Variants in GREB1 observed in about 807,000 individuals in gnomAD.
GREB1 encodes protein GREB1.
GREB1 carries 106 observed loss-of-function variants against 200.7 expected under a neutral mutation model. That is an observed-to-expected ratio of 0.53 (90% CI 0.45 to 0.62). The LOEUF (loss-of-function observed/expected upper bound fraction) is 0.62. GREB1 is among the 20% of genes least tolerant of loss of function. The probability of loss-of-function intolerance (pLI) is 0.00; values close to 1 mark genes in which losing one functional copy is unlikely to be tolerated. For synonymous variants in GREB1, 1,132 were observed against 1,092.4 expected (o/e 1.04, Z -0.72); for missense variants, 2,243 against 2,556.8 (o/e 0.88, Z 2.65).
intron 1 of GREB1, among the ~76,000 whole-genome samples, chr2:11,507,909 G>C (rs915799179): frequency 6.6e-5 from 10 of 152,154 alleles, no homozygotes; most frequent in Non-Finnish European, 1.2e-4. Context: ...TGAGGATTCT[G>C]GACCTTTCTT....
At chr2:11,538,856 C>T (rs553297110) in intron 1 of GREB1, among the ~76,000 whole-genome samples, 20 of 128,768 alleles carry the variant, frequency 1.6e-4, no homozygotes, top group Non-Finnish European at 2.8e-4. Flanking sequence ...TTCCTTCCTT[C>T]CTCCCTCCGT....
chr2:11,577,977 T>C (rs904728669), intron 5 of GREB1, among the ~76,000 whole-genome samples: 20 of 152,216 alleles, frequency 1.3e-4, no homozygotes, highest in African/African-American at 4.8e-4. Flanking sequence ...GTATCATTTC[T>C]TTATCTTCAA....
rs531132566 is a variant in GREB1, at chr2:11,636,325, C to T, written c.5346+920C>T. On this transcript the variant is annotated intron_variant, in intron 30 of 32. Transcript: ENST00000381486. ...CAAAGGGCCAGATGTGGCTTTAAAA[C>T]GAACTTTTCTTTTGTGTCCTTCAGT... 2.1e-4 allele frequency among the ~76,000 whole-genome samples: 32 copies of T among 152,314 alleles called. 1 individual carries two copies. The South Asian group carries it at 5.8e-3, about 28-fold the overall frequency.
intron 17 of GREB1, among the ~76,000 whole-genome samples, chr2:11,610,031 G>A (rs1258883884): frequency 6.6e-6 from 1 of 152,140 alleles, no homozygotes; most frequent in Non-Finnish European, 1.5e-5. Context: ...TGTGACTAAC[G>A]GGTCAGAGCC....
chr2:11,483,353 A>C (rs1055244739), intron 1 of GREB1, among the ~76,000 whole-genome samples: 3 of 146,044 alleles, frequency 2.1e-5, no homozygotes, highest in East Asian at 4.1e-4. Flanking sequence ...AGAGAGAGAG[A>C]GCACCCGAGG....
Position 11,618,665 on chromosome 2 carries a change from C to A in GREB1, c.3790C>A (p.Leu1264Ile). ...GCCACCCATTGTCTTCTTGCCCAAG[C>A]TCGTGTACGACATGGTTGTGTCCAC... Reference protein sequence around the residue: ...RQPPIVFLPKLVYDMVVSTDS... With the variant: ...RQPPIVFLPKIVYDMVVSTDS... The change falls in exon 22 of 33, where the codon CTC becomes ATC. Residue 1264 changes from leucine to isoleucine, a missense_variant. This residue lies in a region of GREB1 where 587 missense variants were observed against 553.1 expected (regional missense o/e 1.06). Transcript: ENST00000381486. The A allele has an allele frequency of 6.2e-7, 1 of 1,613,790 alleles. No individual in the cohort carries two copies.
chr2:11,611,721 G>A (rs1430739645), intron 18 of GREB1, among the ~76,000 whole-genome samples: 1 of 152,190 alleles, frequency 6.6e-6, no homozygotes, highest in South Asian at 2.1e-4. Flanking sequence ...CAGATGGTGG[G>A]GGGCAATGGC....
In GREB1 at chr2:11,632,998, G is replaced by A; in HGVS notation, c.4926G>A (p.Val1642=). The change falls in exon 28 of 33, where the codon GTG becomes GTA. Residue 1642 remains valine (V), a synonymous_variant. Transcript: ENST00000381486. ...CGCAGGACATCTGGCCTTTCATTGT[G>A]ATCTCTGATGACTCCTGCGTGATGT... ...IKPQDIWPFI[V]ISDDSCVMWN... is the part of the protein sequence containing the mutation. The A allele has an allele frequency of 1.2e-6, 2 of 1,614,226 alleles. No individual in the cohort carries two copies. The highest frequency in any genetic ancestry group is 1.7e-6 in the Non-Finnish European group (2 of 1,180,034).
At chr2:11,552,978 C>CCG (rs1676066767) in intron 1 of GREB1, among the ~76,000 whole-genome samples, 1 of 145,582 alleles carries the variant, frequency 6.9e-6, no homozygotes, top group Admixed American at 6.8e-5. Flanking sequence ...CCACTGCACT[C>CCG]CAGCCTGGGC....
chr2:11,508,663 C>G (rs1432176659), intron 1 of GREB1, among the ~76,000 whole-genome samples: 1 of 152,136 alleles, frequency 6.6e-6, no homozygotes, highest in East Asian at 1.9e-4. Context: ...CAAAATAAAA[C>G]AAACATCCTT....
At chr2:11,527,741 A>G (rs765245984) in intron 1 of GREB1, among the ~76,000 whole-genome samples, 1 of 152,228 alleles carries the variant, frequency 6.6e-6, no homozygotes, top group Non-Finnish European at 1.5e-5. Flanking sequence ...CATGTAGTTC[A>G]GGGTCCTACG....
chr2:11,570,988 T>C (rs1233938143), intron 4 of GREB1, among the ~76,000 whole-genome samples: 1 of 152,136 alleles, frequency 6.6e-6, no homozygotes, highest in African/African-American at 2.4e-5. Context: ...AAGGAGGTCA[T>C]TTCTACACTT....
chr2:11,513,394 A>T (rs769467798), intron 1 of GREB1, among the ~76,000 whole-genome samples: 15 of 152,186 alleles, frequency 9.9e-5, no homozygotes, highest in Non-Finnish European at 2.1e-4. Flanking sequence ...GAAGCAGCTC[A>T]GGGTCACGGT....
At chr2:11,617,911 C>T (rs1018077870) in intron 21 of GREB1, among the ~76,000 whole-genome samples, 1 of 152,260 alleles carries the variant, frequency 6.6e-6, no homozygotes, top group East Asian at 1.9e-4. Flanking sequence ...GTTGGGGTCT[C>T]CCTCCCAGAT....
At chr2:11,552,826 A>T (rs572474229) in intron 1 of GREB1, among the ~76,000 whole-genome samples, 396 of 152,086 alleles carry the variant, frequency 2.6e-3, no homozygotes, top group Non-Finnish European at 4.3e-3. Context: ...CCTGGCTAAC[A>T]CGGTGAAACC....
chr2:11,511,396 A>G (rs10929750), intron 1 of GREB1, among the ~76,000 whole-genome samples: 143,914 of 152,134 alleles, frequency 0.95, 68,535 homozygotes, highest in South Asian at 1. Context: ...TCTGAGAGTG[A>G]ATGGGGAGTA....
Position 11,641,473 on chromosome 2 carries a change from G to GTTTTGTTTTGTTTTGTT in GREB1, c.*1022_*1038dup, listed in dbSNP as rs1371574457. On this transcript the variant is annotated 3_prime_UTR_variant, in exon 33 of 33. Transcript: ENST00000381486. Reference sequence around the variant, plus strand: ...CTTCACAGACTGACAGAATGGTTTTGTTTTGTTTTGTTTTGTTTTGTTTTG... The same window carrying GTTTTGTTTTGTTTTGTT: ...CTTCACAGACTGACAGAATGGTTTTGTTTTGTTTTGTTTTGTTTTTTGTTTTGTTTTGTTTTGTTTTG... 1 of 151,560 alleles carries GTTTTGTTTTGTTTTGTT rather than the reference G, an allele frequency of 6.6e-6. No individual in the cohort carries two copies. Among genetic ancestry groups the GTTTTGTTTTGTTTTGTT allele is most frequent in the African/African-American group, 2.4e-5 (1 of 41,104 alleles). The allele number at this position is 151,560 out of a possible 1,614,324, so 9.4% of individuals were successfully genotyped here. A position where few individuals can be genotyped will look rare whatever the true frequency, so the allele number is the denominator to read the frequency against.
intron 1 of GREB1, among the ~76,000 whole-genome samples, chr2:11,516,347 T>C (rs992391894): frequency 1.2e-4 from 18 of 147,858 alleles, no homozygotes; most frequent in Admixed American, 7.4e-4. Flanking sequence ...TGTGTGTGTG[T>C]GCACGCAATC....
chr2:11,519,907 G>A (rs972955867), intron 1 of GREB1, among the ~76,000 whole-genome samples: 2 of 152,130 alleles, frequency 1.3e-5, no homozygotes, highest in Non-Finnish European at 2.9e-5. Flanking sequence ...GAGGCTGAAC[G>A]GGGGTGGACT....
Sources: allele counts gnomAD v4.1 joint callset (sites outside exome capture counted in the v4.1 genomes callset), GRCh38; gene constraint gnomAD v4.1.1; regional missense constraint gnomAD v4.1.1; transcripts MANE v1.5; gene names NCBI Gene and HGNC (gene_info 2026-07-23, HGNC 2026-07-21).